The following TENM2 variants were observed in gnomAD, a reference collection of about 807,000 sequenced individuals.
TENM2 encodes teneurin-2.
TENM2 carries 52 observed loss-of-function variants against 245.2 expected under a neutral mutation model. That is an observed-to-expected ratio of 0.21 (90% CI 0.17 to 0.27). The LOEUF (loss-of-function observed/expected upper bound fraction) is 0.27. TENM2 is among the 10% of genes least tolerant of loss of function. The pLI is 1.00. For synonymous variants in TENM2, 1,363 were observed against 1,438.9 expected (o/e 0.95, Z 1.19); for missense variants, 3,046 against 3,666.8 (o/e 0.83, Z 4.37).
chr5:168,231,375 A>G (rs1394503677), intron 25 of TENM2, among the ~76,000 whole-genome samples: 2 of 152,238 alleles, frequency 1.3e-5, no homozygotes, highest in Non-Finnish European at 1.5e-5. Flanking sequence ...GTGACAGGAC[A>G]AAGAATGTCG....
Position 168,218,626 on chromosome 5 carries a change from G to A in TENM2, c.4735G>A (p.Ala1579Thr), listed in dbSNP as rs756627915. The A allele has an allele frequency of 6.2e-7, 1 of 1,613,990 alleles. No individual in the cohort carries two copies. Among genetic ancestry groups the A allele is most frequent in the Non-Finnish European group, 8.5e-7 (1 of 1,179,898 alleles). The stretch of plus-strand genomic sequence containing the variant: ...CAGCAAGAACAAGCCTGTTCTTAAT[G>A]CCTTCAACCAGTATGAGGCTGCATC... The change falls in exon 23 of 29, where the codon GCC becomes ACC. Residue 1579 changes from alanine to threonine, a missense_variant. By Grantham distance (58) the Ala-to-Thr change is moderately conservative (BLOSUM62 0). This residue lies in a region of TENM2 where 2,704 missense variants were observed against 3,331.9 expected (regional missense o/e 0.81). Transcript: ENST00000518659. This position sits in a 1 kb window ranked among gnomAD's most constrained non-coding sequence, Gnocchi z 5.2.
At chr5:168,075,583 T>G (rs57002229) in intron 7 of TENM2, among the ~76,000 whole-genome samples, 2 of 152,002 alleles carry the variant, frequency 1.3e-5, no homozygotes, top group African/African-American at 4.8e-5. Context: ...CACTGGAGAT[T>G]AGATTTGTCT....
chr5:167,340,255 A>G (rs1238318806), intron 1 of TENM2, among the ~76,000 whole-genome samples: 2 of 152,164 alleles, frequency 1.3e-5, no homozygotes, highest in Non-Finnish European at 2.9e-5. Context: ...TCTATCCACT[A>G]CCAGTTCCAA....
At chr5:168,077,217 A>T (rs1791554110) in intron 7 of TENM2, among the ~76,000 whole-genome samples, 1 of 152,214 alleles carries the variant, frequency 6.6e-6, no homozygotes, top group Admixed American at 6.5e-5. Flanking sequence ...GTGTTCACTA[A>T]AATTTCCAAA....
rs545824352 is a variant in TENM2, at chr5:167,475,340, A to G, written c.502+99867A>G. Among the ~76,000 whole-genome samples, 973 of 152,258 alleles carry G rather than the reference A, an allele frequency of 6.4e-3. 3 individuals carry two copies. The highest frequency in any genetic ancestry group is 0.01 in the Non-Finnish European group (709 of 68,006). On this transcript the variant is annotated intron_variant, in intron 2 of 28. Transcript: ENST00000518659. ...AAGAAGTATTGTTTATGTACATTAT[A>G]CCTGCCAATATTTACTGATTAAAAA... is the stretch of plus-strand genomic sequence containing the variant.
chr5:168,211,815 CTTTT>C, intron 20 of TENM2, 61 bp downstream of exon 22: 1 of 1,113,026 alleles, frequency 9.0e-7, no homozygotes, highest in Non-Finnish European at 1.3e-6. Context: ...CTTGTGTTTG[CTTTT>C]TTTGTTTTGT....
chr5:167,224,872 T>G, the TENM2 span, among the ~76,000 whole-genome samples: 286 of 152,190 alleles, frequency 1.9e-3, 3 homozygotes, highest in African/African-American at 6.3e-3. Context: ...CCTCTTCAAT[T>G]TATTTCATCA....
chr5:167,804,310 C>A (rs1212941000), intron 2 of TENM2, among the ~76,000 whole-genome samples: 2 of 151,936 alleles, frequency 1.3e-5, no homozygotes, highest in African/African-American at 4.8e-5. Flanking sequence ...AAAAAGATAA[C>A]CCTTTCTTGC....
chr5:168,086,494 C>T (rs534403853), intron 7 of TENM2, among the ~76,000 whole-genome samples: 1 of 152,028 alleles, frequency 6.6e-6, no homozygotes, highest in African/African-American at 2.4e-5. Context: ...GAGAACTGGG[C>T]GGGGAGAGGT....
chr5:167,239,830 T>C, the TENM2 span, among the ~76,000 whole-genome samples: 1 of 152,240 alleles, frequency 6.6e-6, no homozygotes, highest in Non-Finnish European at 1.5e-5. Context: ...TGGAGTGCAA[T>C]GGCGTGATCT....
chr5:167,522,938 A>T (rs1770862385), intron 2 of TENM2, among the ~76,000 whole-genome samples: 1 of 151,202 alleles, frequency 6.6e-6, no homozygotes, highest in African/African-American at 2.4e-5. Flanking sequence ...ACAAAAATTC[A>T]TTTTTTTGCA....
chr5:167,886,441 G>T (rs932774335), intron 3 of TENM2, among the ~76,000 whole-genome samples: 1 of 152,186 alleles, frequency 6.6e-6, no homozygotes, highest in Non-Finnish European at 1.5e-5. Flanking sequence ...AGGATGAGAG[G>T]ATATGTGGGC....
the TENM2 span, among the ~76,000 whole-genome samples, chr5:167,276,780 G>A: frequency 6.6e-6 from 1 of 151,924 alleles, no homozygotes; most frequent in Non-Finnish European, 1.5e-5. Context: ...ATACTGTATT[G>A]ATTTTTATTT....
chr5:167,318,466 C>A (rs530861492), intron 1 of TENM2, among the ~76,000 whole-genome samples: 2 of 151,268 alleles, frequency 1.3e-5, no homozygotes, highest in Non-Finnish European at 2.9e-5. Flanking sequence ...TTTTCCCCCA[C>A]GGTGTGAATA....
At chr5:168,210,663 G>A (rs563052602) in intron 19 of TENM2, among the ~76,000 whole-genome samples, 87 of 149,848 alleles carry the variant, frequency 5.8e-4, no homozygotes, top group African/African-American at 2.0e-3. Context: ...ATATAAAAAC[G>A]TAATCCCTGT....
the TENM2 span, among the ~76,000 whole-genome samples, chr5:167,230,794 A>C: frequency 6.6e-6 from 1 of 152,220 alleles, no homozygotes; most frequent in African/African-American, 2.4e-5. Flanking sequence ...ATGTAATGTA[A>C]ACTTATTCAA....
the TENM2 span, among the ~76,000 whole-genome samples, chr5:167,119,083 G>A: frequency 6.6e-6 from 1 of 152,098 alleles, no homozygotes; most frequent in East Asian, 1.9e-4. Context: ...GTGTCACCCT[G>A]GACAAGTTAC....
At chr5:167,550,844 C>T (rs1281894925) in intron 2 of TENM2, among the ~76,000 whole-genome samples, 2 of 151,920 alleles carry the variant, frequency 1.3e-5, no homozygotes, top group Non-Finnish European at 1.5e-5. Flanking sequence ...GTTCTTCTGC[C>T]TCAGCCTCCA....
intron 1 of TENM2, among the ~76,000 whole-genome samples, chr5:167,311,268 C>T (rs991562356): frequency 6.6e-5 from 10 of 152,114 alleles, no homozygotes; most frequent in African/African-American, 1.9e-4. Context: ...AATTCACATC[C>T]ATTTTAAAGA....
Sources: gnomAD v4.1 joint callset for allele counts (sites outside exome capture counted in the v4.1 genomes callset) on GRCh38, gnomAD v4.1.1 for gene constraint, gnomAD v4.1.1 regional missense constraint, Gnocchi (gnomAD v3.1) non-coding constraint, MANE v1.5 for transcripts, NCBI Gene and HGNC (gene_info 2026-07-23, HGNC 2026-07-21) for gene names.